PPP6R3: variants seen among roughly 807,000 people sequenced by gnomAD.
PPP6R3 encodes the protein serine/threonine-protein phosphatase 6 regulatory subunit 3.
Under a neutral mutation model 110.7 loss-of-function variants are expected in PPP6R3, and 38 were observed. That is an observed-to-expected ratio of 0.34 (90% CI 0.26 to 0.45). PPP6R3 has a LOEUF of 0.45. PPP6R3 is among the 20% of genes least tolerant of loss of function. PPP6R3 has a pLI of 1.00. For missense variants in PPP6R3, 870 were observed against 1,062.4 expected, an observed-to-expected ratio of 0.82 and a Z score of 2.52; for synonymous variants, 369 against 373.5, an observed-to-expected ratio of 0.99 and a Z score of 0.14.
Position 68,603,451 on chromosome 11 carries a change from C to A in PPP6R3, c.2409C>A (p.Ser803Arg). Residue 803 changes from serine (S) to arginine (R), a missense_variant, in exon 22 of 24, where the codon AGC becomes AGA. Transcript: ENST00000393800. Reference protein sequence around the residue: ...VMNGGMKETLSLTVDAKTETA... With the variant: ...VMNGGMKETLRLTVDAKTETA... ...ATGGCGGCATGAAGGAAACGCTCAG[C>A]CTCACTGTAGATGCCAAGACAGAGA... The A allele has an allele frequency of 6.2e-7, 1 of 1,614,110 alleles. No individual in the cohort carries two copies. The highest frequency in any genetic ancestry group is 8.5e-7 in the Non-Finnish European group (1 of 1,180,006).
intron 8 of PPP6R3, among the ~76,000 whole-genome samples, chr11:68,561,349 C>G (rs919466180): frequency 1.3e-5 from 2 of 152,138 alleles, no homozygotes; most frequent in African/African-American, 4.8e-5. Context: ...ATCCTTCCGC[C>G]TCAGCCTCTT....
chr11:68,514,558 C>CATT (rs1192408990), intron 1 of PPP6R3, among the ~76,000 whole-genome samples: 2 of 152,072 alleles, frequency 1.3e-5, no homozygotes, highest in African/African-American at 4.8e-5. Flanking sequence ...CGTATTCTCT[C>CATT]ATTTTTTTTA....
At chr11:68,608,834 TAG>T (rs1278675070) in intron 22 of PPP6R3, among the ~76,000 whole-genome samples, 1 of 152,172 alleles carries the variant, frequency 6.6e-6, no homozygotes, top group East Asian at 1.9e-4. Flanking sequence ...GAATTAGAAT[TAG>T]AAACACATTA....
intron 15 of PPP6R3, among the ~76,000 whole-genome samples, chr11:68,584,950 AT>A (rs577208058): frequency 1.1e-4 from 17 of 152,342 alleles, no homozygotes; most frequent in African/African-American, 4.1e-4. Context: ...GTCTTGGTTA[AT>A]TTATTAGAGT....
rs545533320 is a variant in PPP6R3 at position 68,495,357 on chromosome 11, A to G, written c.-157-24144A>G. On this transcript the variant is annotated intron_variant, in intron 1 of 23. Transcript: ENST00000393800. ...TGTTTTGTAACAGCTTTATTGAGAC[A>G]TAACTCACCCACTTAACGCATACAA... 7.8e-4 allele frequency among the ~76,000 whole-genome samples: 119 copies of G among 152,352 alleles called. 1 individual carries two copies. The highest frequency in any genetic ancestry group is 2.7e-3 in the African/African-American group (114 of 41,580).
In PPP6R3 at chr11:68,574,166, T is replaced by C; in HGVS notation, c.1401T>C (p.Cys467=). 6.2e-7 allele frequency: 1 copy of C among 1,614,086 alleles called. No homozygotes were observed. Among genetic ancestry groups the C allele is most frequent in the African/African-American group, 1.3e-5 (1 of 75,036 alleles). Residue 467 remains cysteine, a synonymous_variant, in exon 13 of 24, where the codon TGT becomes TGC. Transcript: ENST00000393800. ...GACACCTAACGAGGATAGCTAACTG[T>C]ATCGTGCACAGCACTGACAAGGGCC... ...YMGHLTRIAN[C]IVHSTDKGPN... is the part of the protein sequence containing the mutation.
intron 4 of PPP6R3, among the ~76,000 whole-genome samples, chr11:68,546,346 G>C (rs949165225): frequency 6.6e-6 from 1 of 152,132 alleles, no homozygotes; most frequent in Admixed American, 6.5e-5. Flanking sequence ...CAGACATTAT[G>C]CTTCATTGTG....
intron 10 of PPP6R3, among the ~76,000 whole-genome samples, chr11:68,568,936 T>C (rs532945529): frequency 1.2e-4 from 18 of 152,220 alleles, no homozygotes; most frequent in African/African-American, 4.3e-4. Context: ...AGCGATTTTT[T>C]TGTATTTTTA....
intron 2 of PPP6R3, among the ~76,000 whole-genome samples, chr11:68,536,039 G>T (rs2099268891): frequency 6.6e-6 from 1 of 152,082 alleles, no homozygotes. Flanking sequence ...TGATCTCATT[G>T]CCTATCCTGT....
At chr11:68,489,970 C>T (rs553177038) in intron 1 of PPP6R3, among the ~76,000 whole-genome samples, 8 of 152,158 alleles carry the variant, frequency 5.3e-5, no homozygotes, top group Admixed American at 3.3e-4. Context: ...CATACTTAAT[C>T]GAGTACATTG....
chr11:68,501,950 G>A (rs1250215176), intron 1 of PPP6R3, among the ~76,000 whole-genome samples: 1 of 152,174 alleles, frequency 6.6e-6, no homozygotes, highest in African/African-American at 2.4e-5. Flanking sequence ...AGTTTTGTCT[G>A]CCTCATCAGT....
chr11:68,526,084 C>G (rs2099195930), intron 2 of PPP6R3, among the ~76,000 whole-genome samples: 1 of 152,160 alleles, frequency 6.6e-6, no homozygotes, highest in Non-Finnish European at 1.5e-5. Flanking sequence ...CCAGTCATAA[C>G]CATGTTTCCT....
At chr11:68,557,693 G>GT (rs996924959) in intron 7 of PPP6R3, among the ~76,000 whole-genome samples, 16 of 151,912 alleles carry the variant, frequency 1.1e-4, no homozygotes, top group Non-Finnish European at 2.2e-4. Flanking sequence ...TAATTTTTGT[G>GT]TTTTTTAGTA....
chr11:68,599,461 A>T (rs1195006475), intron 19 of PPP6R3, among the ~76,000 whole-genome samples: 4 of 152,264 alleles, frequency 2.6e-5, no homozygotes, highest in Admixed American at 1.3e-4. Flanking sequence ...CTGCCGCTTC[A>T]GCCTCTGAGG....
At chr11:68,584,142 T>A (rs80053188) in intron 15 of PPP6R3, among the ~76,000 whole-genome samples, 171 of 152,330 alleles carry the variant, frequency 1.1e-3, no homozygotes, top group African/African-American at 3.7e-3. Flanking sequence ...TCTTGACACT[T>A]CTGCCTTTGA....
chr11:68,505,151 AAAC>A (rs1458821625), intron 1 of PPP6R3: 1 of 152,224 alleles, frequency 6.6e-6, no homozygotes, highest in East Asian at 1.9e-4. Context: ...ACAGATAAGA[AAAC>A]AAGCTCAGAG....
At position 68,591,702 on chromosome 11, in the gene PPP6R3, T is replaced by C. The variant is rs1235572948; in HGVS notation, c.1912T>C (p.Ser638Pro). ...IAFTPESQRRSSSGSTDSEES... is the reference protein window; with the variant it reads ...IAFTPESQRRPSSGSTDSEES... ...ATTCACACCAGAATCCCAAAGACGA[T>C]CCAGGTGAAAGATAGTTGGTTATAG... Residue 638 changes from serine (S) to proline (P), a missense_variant, in exon 18 of 24, where the codon TCC becomes CCC. Physicochemically the swap from Ser to Pro is moderately conservative, Grantham distance 74 (BLOSUM62 -1). Transcript: ENST00000393800. 3 of 1,609,444 alleles carry C rather than the reference T, an allele frequency of 1.9e-6. No individual in the cohort carries two copies. The highest frequency in any genetic ancestry group is 1.7e-5 in the Admixed American group (1 of 58,960).
Position 68,587,959 on chromosome 11 carries a change from G to A in PPP6R3, c.1665G>A (p.Thr555=), listed in dbSNP as rs759764012. Residue 555 remains threonine, a synonymous_variant, in exon 16 of 24, where the codon ACG becomes ACA. Coordinates refer to ENST00000393800, the MANE Select transcript of PPP6R3 (RefSeq NM_001164161.2). ...AFSDYQMQQM[T]SNFIDQFGFN... is the part of the protein sequence containing the mutation. Reference sequence around the variant, plus strand: ...CTGATTATCAGATGCAACAAATGACGTCCAATTTTATTGACCAGTTTGGCT... The same window carrying A: ...CTGATTATCAGATGCAACAAATGACATCCAATTTTATTGACCAGTTTGGCT... The A allele has an allele frequency of 8.1e-6, 13 of 1,614,032 alleles. No individual in the cohort carries two copies. The highest frequency in any genetic ancestry group is 2.2e-5 in the East Asian group (1 of 44,896).
At chr11:68,520,979 C>T (rs1565575852) in intron 2 of PPP6R3, among the ~76,000 whole-genome samples, 1 of 152,164 alleles carries the variant, frequency 6.6e-6, no homozygotes, top group Non-Finnish European at 1.5e-5. Flanking sequence ...ACTATGTCGG[C>T]CAGGCTGGTC....
Sources: allele counts gnomAD v4.1 joint callset (sites outside exome capture counted in the v4.1 genomes callset), GRCh38; gene constraint gnomAD v4.1.1; transcripts MANE v1.5; gene names NCBI Gene and HGNC (gene_info 2026-07-23, HGNC 2026-07-21).